The following SMG6 variants were observed in gnomAD, a reference collection of about 807,000 sequenced individuals.
The protein encoded by SMG6 is SMG6 nonsense mediated mRNA decay factor.
Under a neutral mutation model 142.2 loss-of-function variants are expected in SMG6, and 66 were observed. The observed-to-expected ratio is 0.46, with a 90% CI of 0.38 to 0.57. The LOEUF is 0.57. SMG6 is among the 20% of genes least tolerant of loss of function. The pLI is 0.00. For synonymous variants in SMG6, 779 were observed against 702.4 expected, an observed-to-expected ratio of 1.11 and a Z score of -1.72; for missense variants, 1,793 against 1,832.0, an observed-to-expected ratio of 0.98 and a Z score of 0.39.
chr17:2,114,230 A>T (rs938889423), intron 13 of SMG6, among the ~76,000 whole-genome samples: 8 of 152,192 alleles, frequency 5.3e-5, no homozygotes, highest in African/African-American at 1.7e-4. Flanking sequence ...AGATTGCGCC[A>T]TTGCACTCCA....
chr17:2,197,803 T>C (rs1315164370), intron 10 of SMG6, among the ~76,000 whole-genome samples: 5 of 152,124 alleles, frequency 3.3e-5, no homozygotes, highest in Non-Finnish European at 7.4e-5. Flanking sequence ...TCTATCAGAA[T>C]GGCTAAAATA....
intron 10 of SMG6, among the ~76,000 whole-genome samples, chr17:2,225,533 T>C (rs1388427242): frequency 2.6e-5 from 4 of 151,986 alleles, no homozygotes; most frequent in Non-Finnish European, 5.9e-5. Flanking sequence ...AACAAATATT[T>C]ACTGTCAAAA....
At chr17:2,102,357 A>T (rs2069032105) in intron 13 of SMG6, among the ~76,000 whole-genome samples, 1 of 151,898 alleles carries the variant, frequency 6.6e-6, no homozygotes, top group African/African-American at 2.4e-5. Context: ...TTACTCTTAA[A>T]GGAATTTTTT....
intron 13 of SMG6, among the ~76,000 whole-genome samples, chr17:2,169,030 G>A (rs1319610654): frequency 6.6e-6 from 1 of 151,594 alleles, no homozygotes; most frequent in Non-Finnish European, 1.5e-5. Context: ...ACAGGCATGA[G>A]CCACCATGCC....
chr17:2,281,055 G>T (rs1346835011), intron 8 of SMG6, among the ~76,000 whole-genome samples: 1 of 152,168 alleles, frequency 6.6e-6, no homozygotes, highest in East Asian at 1.9e-4. Context: ...CCCTGTTTTT[G>T]ATTGTATTCA....
At chr17:2,242,078 G>A (rs1038880697) in intron 9 of SMG6, among the ~76,000 whole-genome samples, 32 of 152,158 alleles carry the variant, frequency 2.1e-4, no homozygotes, top group African/African-American at 6.5e-4. Flanking sequence ...TCAAAATGTC[G>A]ACAGCACCAA....
intron 13 of SMG6, among the ~76,000 whole-genome samples, chr17:2,158,860 C>CAAAA: frequency 3.1e-5 from 1 of 32,406 alleles, no homozygotes; most frequent in Non-Finnish European, 6.4e-5. Context: ...GACCCTGTTT[C>CAAAA]AAAAAAAAAA....
rs1316750203 is a variant in SMG6 at position 2,279,408 on chromosome 17, T to C, written c.2661+3239A>G. ...TGGACTATGTCGAGGATTTTAGACC[T>C]GATTGTAAGAGCACACAGAAATAAC... On this transcript the variant is annotated intron_variant, in intron 8 of 18. Transcript: ENST00000263073. Among the ~76,000 whole-genome samples the C allele has an allele frequency of 2.0e-5, 3 of 152,224 alleles. No homozygotes were observed. In the East Asian group the frequency reaches 5.8e-4, roughly 29 times the overall value.
intron 5 of SMG6, 94 bp from the exon 6 acceptor site, chr17:2,292,724 G>A (rs2075065411): frequency 6.6e-7 from 1 of 1,505,176 alleles, no homozygotes. Flanking sequence ...ATAAGGTAGA[G>A]TGTTAGATGT....
intron 9 of SMG6, 49 bp downstream of exon 9, chr17:2,244,609 A>G: frequency 6.7e-7 from 1 of 1,486,496 alleles, no homozygotes; most frequent in Non-Finnish European, 9.4e-7. Context: ...ATTAAATTCC[A>G]AAATGACTTG....
intron 10 of SMG6, among the ~76,000 whole-genome samples, chr17:2,219,874 T>C (rs2073126206): frequency 6.6e-6 from 1 of 151,716 alleles, no homozygotes; most frequent in Non-Finnish European, 1.5e-5. Flanking sequence ...TCAAAAGTAT[T>C]AAGATGCCAA....
Position 2,061,447 on chromosome 17 carries a change from C to A in SMG6, c.*45G>T. 1 of 1,518,926 alleles carries A rather than the reference C, an allele frequency of 6.6e-7. No individual in the cohort carries two copies. The highest frequency in any genetic ancestry group is 8.8e-7 in the Non-Finnish European group (1 of 1,137,156). 94.1% of individuals were successfully genotyped at this position (1,518,926 alleles called of 1,614,324 possible). On this transcript the variant is annotated 3_prime_UTR_variant, in exon 19 of 19. Transcript: ENST00000263073. ...CGTGCTACACTGGGCGCCTGGTGGC[C>A]TTTCAGGAACGGTTCCACGGGGGGG... is the stretch of plus-strand genomic sequence containing the variant.
intron 13 of SMG6, among the ~76,000 whole-genome samples, chr17:2,151,817 G>C (rs957572388): frequency 6.6e-6 from 1 of 152,294 alleles, no homozygotes; most frequent in African/African-American, 2.4e-5. Context: ...AGTATGTTCT[G>C]AGAACTGAAT....
At chr17:2,159,906 CA>C (rs762515410) in intron 13 of SMG6, among the ~76,000 whole-genome samples, 14 of 152,096 alleles carry the variant, frequency 9.2e-5, no homozygotes, top group Non-Finnish European at 2.1e-4. Context: ...AAAACAAAGA[CA>C]TAAGAGTATA....
At chr17:2,157,504 C>T (rs1215821133) in intron 13 of SMG6, among the ~76,000 whole-genome samples, 1 of 152,148 alleles carries the variant, frequency 6.6e-6, no homozygotes, top group Admixed American at 6.5e-5. Flanking sequence ...ACCCCTATCA[C>T]AAAGGTAAGT....
chr17:2,243,803 C>G (rs1311676078), intron 9 of SMG6, among the ~76,000 whole-genome samples: 1 of 152,170 alleles, frequency 6.6e-6, no homozygotes, highest in Non-Finnish European at 1.5e-5. Context: ...GGGTAGCTCA[C>G]AATACAACTT....
intron 8 of SMG6, among the ~76,000 whole-genome samples, chr17:2,248,055 G>A (rs1008917894): frequency 5.9e-5 from 9 of 151,916 alleles, no homozygotes; most frequent in Admixed American, 1.3e-4. Flanking sequence ...GCAGTGAGCC[G>A]AGATCACACC....
intron 13 of SMG6, among the ~76,000 whole-genome samples, chr17:2,132,101 G>C (rs1228609438): frequency 2.0e-5 from 3 of 151,910 alleles, no homozygotes; most frequent in Admixed American, 2.0e-4. Flanking sequence ...AGGAACTTTT[G>C]AACTCGAGCA....
chr17:2,290,675 G>C (rs576847990), intron 6 of SMG6, among the ~76,000 whole-genome samples: 8 of 152,306 alleles, frequency 5.3e-5, no homozygotes, highest in African/African-American at 1.9e-4. Context: ...ACAAGCCACA[G>C]TCTGGAAGAA....
Sources: allele counts gnomAD v4.1 joint callset (sites outside exome capture counted in the v4.1 genomes callset), GRCh38; gene constraint gnomAD v4.1.1; transcripts MANE v1.5; gene names NCBI Gene and HGNC (gene_info 2026-07-23, HGNC 2026-07-21).